The following CCSER1 variants were observed in gnomAD, a reference collection of about 807,000 sequenced individuals.
CCSER1 encodes the protein serine-rich coiled-coil domain-containing protein 1.
In CCSER1, 41 loss-of-function variants were observed where a neutral mutation model predicts 82.0. The ratio of observed to expected loss-of-function variants is 0.50; its 90% CI spans 0.39 to 0.65. The LOEUF is 0.65. Among genes scored for constraint, CCSER1 ranks in the 30% least tolerant of loss-of-function variants. CCSER1 has a pLI of 0.00. For synonymous variants in CCSER1, 414 were observed against 383.9 expected (o/e 1.08, Z -0.92); for missense variants, 1,119 against 1,064.2 (o/e 1.05, Z -0.72).
intron 10 of CCSER1, among the ~76,000 whole-genome samples, chr4:91,288,061 GATAT>G: frequency 7.1e-6 from 1 of 141,710 alleles, no homozygotes. Flanking sequence ...GTTTATTTAG[GATAT>G]ATATATATAT....
chr4:91,005,225 T>G (rs1031988137), intron 9 of CCSER1, among the ~76,000 whole-genome samples: 2 of 152,192 alleles, frequency 1.3e-5, no homozygotes, highest in African/African-American at 4.8e-5. Context: ...ACCAAACTAC[T>G]TATCTGACAC....
chr4:90,701,594 A>C (rs981743692), intron 6 of CCSER1, among the ~76,000 whole-genome samples: 2 of 152,106 alleles, frequency 1.3e-5, no homozygotes, highest in African/African-American at 4.8e-5. Flanking sequence ...CATTTTCACG[A>C]TATTGATTCT....
chr4:90,834,536 G>C (rs1157885774), intron 8 of CCSER1, among the ~76,000 whole-genome samples: 5 of 152,150 alleles, frequency 3.3e-5, no homozygotes, highest in African/African-American at 9.7e-5. Context: ...GTTTATCACT[G>C]ATACAAATTA....
chr4:90,280,726 T>G (rs1409941421), intron 1 of CCSER1, among the ~76,000 whole-genome samples: 1 of 152,004 alleles, frequency 6.6e-6, no homozygotes, highest in East Asian at 1.9e-4. Flanking sequence ...AGTGTTTCCT[T>G]GTCAGTTTAA....
intron 3 of CCSER1, among the ~76,000 whole-genome samples, chr4:90,322,501 T>C (rs900635065): frequency 1.3e-5 from 2 of 152,202 alleles, no homozygotes; most frequent in African/African-American, 4.8e-5. Flanking sequence ...AGGATCATTT[T>C]TCTATATCTG....
intron 10 of CCSER1, among the ~76,000 whole-genome samples, chr4:91,570,010 C>A (rs1763093048): frequency 6.6e-6 from 1 of 152,090 alleles, no homozygotes; most frequent in South Asian, 2.1e-4. Context: ...ACACCCATTC[C>A]AAATGGGAGA....
rs141005718 is a variant in CCSER1 at position 90,811,275 on chromosome 4, T to C, written c.2011-4487T>C. On this transcript the variant is annotated intron_variant, in intron 7 of 10. Transcript: ENST00000509176. ...GTGAAACAACATTGCATTTCAGTGC[T>C]GTAGGAATGAACAAAGTGAGGAGGT... Among the ~76,000 whole-genome samples the C allele has an allele frequency of 1.4e-3, 218 of 152,294 alleles. 1 individual carries two copies. In the East Asian group the frequency reaches 0.037, roughly 26 times the overall value.
intron 9 of CCSER1, among the ~76,000 whole-genome samples, chr4:91,061,737 G>A (rs1743970521): frequency 6.6e-6 from 1 of 151,920 alleles, no homozygotes; most frequent in South Asian, 2.1e-4. Flanking sequence ...TGAATAATAA[G>A]CAAATAAAGT....
rs542405346 is a variant in CCSER1 at position 91,095,947 on chromosome 4, C to T, written c.2217+9953C>T. Among the ~76,000 whole-genome samples, 4 of 152,290 alleles carry T rather than the reference C, an allele frequency of 2.6e-5. No individual in the cohort carries two copies. The East Asian group carries it at 5.8e-4, about 22-fold the overall frequency. ...GCCACCTGGAGTATCCTTCACCTTT[C>T]ATCTGTGTTAAAGATGTACATGAGT... is the stretch of plus-strand genomic sequence containing the variant. On this transcript the variant is annotated intron_variant, in intron 10 of 10. Transcript: ENST00000509176.
chr4:91,348,285 T>G (rs1377001794), intron 10 of CCSER1, among the ~76,000 whole-genome samples: 1 of 152,174 alleles, frequency 6.6e-6, no homozygotes, highest in African/African-American at 2.4e-5. Context: ...TTATAGTAAT[T>G]GATTTTTGAA....
intron 10 of CCSER1, among the ~76,000 whole-genome samples, chr4:91,101,642 A>AAG (rs987360688): frequency 2.0e-5 from 3 of 151,842 alleles, no homozygotes; most frequent in Non-Finnish European, 2.9e-5. Flanking sequence ...TCAAAAAAAA[A>AAG]AAAGACCAGG....
intron 5 of CCSER1, among the ~76,000 whole-genome samples, chr4:90,499,449 G>A (rs781535167): frequency 1.3e-5 from 2 of 152,100 alleles, no homozygotes; most frequent in Admixed American, 6.6e-5. Context: ...CATGTGTAAT[G>A]AAATTTGGGA....
intron 1 of CCSER1, among the ~76,000 whole-genome samples, chr4:90,223,643 T>G (rs1742593357): frequency 6.6e-6 from 1 of 152,196 alleles, no homozygotes; most frequent in South Asian, 2.1e-4. Flanking sequence ...TGAGCCTACT[T>G]TATGACCTTA....
chr4:90,832,212 A>G (rs1761211672), intron 8 of CCSER1, among the ~76,000 whole-genome samples: 1 of 152,060 alleles, frequency 6.6e-6, no homozygotes, highest in Admixed American at 6.5e-5. Flanking sequence ...AATTTAATAG[A>G]TTTATTTTTC....
chr4:90,789,407 C>T (rs1250661359), intron 7 of CCSER1, among the ~76,000 whole-genome samples: 3 of 151,876 alleles, frequency 2.0e-5, no homozygotes, highest in African/African-American at 2.4e-5. Context: ...TGTTTATTTT[C>T]TACTACATGA....
intron 1 of CCSER1, among the ~76,000 whole-genome samples, chr4:90,187,308 C>T (rs1183991232): frequency 6.7e-6 from 1 of 150,282 alleles, no homozygotes; most frequent in Non-Finnish European, 1.5e-5. Context: ...ATAAAATAAT[C>T]ATATGTCTTA....
intron 7 of CCSER1, among the ~76,000 whole-genome samples, chr4:90,775,694 A>G (rs1201816070): frequency 1.3e-5 from 2 of 152,228 alleles, no homozygotes; most frequent in Non-Finnish European, 2.9e-5. Context: ...TTTTTCACTT[A>G]TGGAATGATC....
At position 90,127,406 on chromosome 4, in the gene CCSER1, C is replaced by A. The variant is rs1356425844; in HGVS notation, c.-467C>A. 4 of 152,314 alleles carry A rather than the reference C, an allele frequency of 2.6e-5. No individual in the cohort carries two copies. 9.4% of individuals were successfully genotyped at this position (152,314 alleles called of 1,614,324 possible). A position where few individuals can be genotyped will look rare whatever the true frequency, so the allele number is the denominator to read the frequency against. On this transcript the variant is annotated 5_prime_UTR_variant, in exon 1 of 11. Transcript: ENST00000509176. ...GCCCGCCCTCCTCACAGCCCCGGAG[C>A]GCGGCCTGCCGGGGAGGTGGATCTC...
chr4:90,908,122 C>G (rs1410436835), intron 8 of CCSER1, among the ~76,000 whole-genome samples: 1 of 151,974 alleles, frequency 6.6e-6, no homozygotes, highest in African/African-American at 2.4e-5. Context: ...AGAAGGCAGA[C>G]CAAACATAGG....
Sources: allele counts gnomAD v4.1 joint callset (sites outside exome capture counted in the v4.1 genomes callset), GRCh38; gene constraint gnomAD v4.1.1; transcripts MANE v1.5; gene names NCBI Gene and HGNC (gene_info 2026-07-23, HGNC 2026-07-21).